PLCB4: variants seen among roughly 807,000 people sequenced by gnomAD.
PLCB4 encodes 1-phosphatidylinositol 4,5-bisphosphate phosphodiesterase beta-4.
A neutral mutation model predicts 178.8 loss-of-function variants in PLCB4; 77 were observed. The ratio of observed to expected loss-of-function variants is 0.43; its 90% CI spans 0.36 to 0.52. The LOEUF (loss-of-function observed/expected upper bound fraction) is 0.52. PLCB4 is among the 20% of genes least tolerant of loss of function. The pLI is 0.00. For missense variants in PLCB4, 1,024 were observed against 1,453.4 expected (o/e 0.70, Z 4.80); for synonymous variants, 496 against 490.8 (o/e 1.01, Z -0.14).
intron 2 of PLCB4, among the ~76,000 whole-genome samples, chr20:9,189,474 G>A (rs1432641061): frequency 1.4e-5 from 2 of 147,258 alleles, no homozygotes; most frequent in Non-Finnish European, 3.0e-5. Context: ...CATTGTGGAG[G>A]GCTGTCATAT....
intron 28 of PLCB4, among the ~76,000 whole-genome samples, chr20:9,424,591 G>T (rs1359862494): frequency 1.3e-5 from 2 of 152,168 alleles, no homozygotes; most frequent in African/African-American, 4.8e-5. Context: ...CAGGATGATG[G>T]CATCCGATTA....
At position 9,406,720 on chromosome 20, in the gene PLCB4, C is replaced by T. The variant is rs75578959; in HGVS notation, c.1648-1197C>T. On this transcript the variant is annotated intron_variant, in intron 21 of 39. Coordinates refer to ENST00000378473, the MANE Select transcript of PLCB4 (RefSeq NM_001377142.1). ...CAGTGTTCACCAGGATGGTCTCGAT[C>T]TCCTGACCTCATGATCCACCCGCCT... 1.2e-3 allele frequency among the ~76,000 whole-genome samples: 185 copies of T among 152,174 alleles called. 1 individual carries two copies. In the East Asian group the frequency reaches 0.017, roughly 14 times the overall value.
At position 9,190,264 on chromosome 20, in the gene PLCB4, T is replaced by C. The variant is rs2093384480; in HGVS notation, c.-78-27126T>C. The stretch of plus-strand genomic sequence containing the variant: ...GTCCCCACCCAACTCTCATCTCAAA[T>C]TGTAATCCCCACGTGTCAAGGGAGG... On this transcript the variant is annotated intron_variant, in intron 2 of 39. Coordinates refer to ENST00000378473, the MANE Select transcript of PLCB4 (RefSeq NM_001377142.1). 7.9e-5 allele frequency among the ~76,000 whole-genome samples: 12 copies of C among 152,178 alleles called. 1 individual carries two copies. The South Asian group carries it at 2.5e-3, about 32-fold the overall frequency.
rs2038013440 is a variant in PLCB4, at chr20:9,390,063, G to A, written c.1238+105G>A. On this transcript the variant is annotated intron_variant, in intron 16 of 39. Coordinates refer to ENST00000378473, the MANE Select transcript of PLCB4 (RefSeq NM_001377142.1). ...TTTAAATAGCTGAATAGTTTGTTTT[G>A]TGAAGTACTAAGTTCAAATAATTCT... 6.1e-6 allele frequency: 4 copies of A among 656,510 alleles called. No homozygotes were observed. The East Asian group carries it at 7.5e-5, about 12-fold the overall frequency. The allele number at this position is 656,510 out of a possible 1,614,324, so 40.7% of individuals were successfully genotyped here.
chr20:9,117,105 G>T (rs2146724848), intron 2 of PLCB4, among the ~76,000 whole-genome samples: 1 of 152,240 alleles, frequency 6.6e-6, no homozygotes. Flanking sequence ...CTTCTGTAGA[G>T]AATTCTATTA....
At chr20:9,152,884 G>A (rs2092715030) in intron 2 of PLCB4, among the ~76,000 whole-genome samples, 1 of 152,080 alleles carries the variant, frequency 6.6e-6, no homozygotes, top group African/African-American at 2.4e-5. Context: ...AGCCGTAGGG[G>A]TGGAGCTGCC....
At chr20:9,314,689 A>G (rs2094878547) in intron 4 of PLCB4, among the ~76,000 whole-genome samples, 1 of 152,054 alleles carries the variant, frequency 6.6e-6, no homozygotes, top group Non-Finnish European at 1.5e-5. Context: ...AAAGGGAAGA[A>G]CGTAATAAAT....
chr20:9,184,628 G>GT (rs1326010722), intron 2 of PLCB4, among the ~76,000 whole-genome samples: 3 of 146,792 alleles, frequency 2.0e-5, no homozygotes, highest in Admixed American at 6.8e-5. Flanking sequence ...AAAACCTCTG[G>GT]TTTTTATGAT....
intron 2 of PLCB4, among the ~76,000 whole-genome samples, chr20:9,106,560 C>A (rs552984591): frequency 6.6e-6 from 1 of 151,608 alleles, no homozygotes; most frequent in Non-Finnish European, 1.5e-5. Flanking sequence ...CACACACACA[C>A]AAAATGTTCA....
chr20:9,394,688 G>T (rs1419536966), intron 18 of PLCB4, among the ~76,000 whole-genome samples: 1 of 152,104 alleles, frequency 6.6e-6, no homozygotes, highest in Non-Finnish European at 1.5e-5. Flanking sequence ...TTGTATGTTT[G>T]TGCAACCCTC....
chr20:9,384,034 G>A lies in PLCB4; in HGVS notation c.854-167G>A, dbSNP rs144566093. Among the ~76,000 whole-genome samples, 548 of 152,266 alleles carry A rather than the reference G, an allele frequency of 3.6e-3. 6 individuals are homozygous for A. The highest frequency in any genetic ancestry group is 0.012 in the African/African-American group (515 of 41,544). On this transcript the variant is annotated intron_variant, in intron 13 of 39. Coordinates refer to ENST00000378473, the MANE Select transcript of PLCB4 (RefSeq NM_001377142.1). ...GAATTCATTATGTTACTTATAATGT[G>A]CAACTCTCTTATTTCATTCAAGTTC...
chr20:9,387,770 A>G (rs1178052397), intron 15 of PLCB4, among the ~76,000 whole-genome samples: 1 of 152,220 alleles, frequency 6.6e-6, no homozygotes, highest in Non-Finnish European at 1.5e-5. Flanking sequence ...TGACTGTGTT[A>G]CATAACAAGG....
At chr20:9,098,623 TATATATATACAC>T (rs1451101123) in intron 2 of PLCB4, among the ~76,000 whole-genome samples, 2 of 151,050 alleles carry the variant, frequency 1.3e-5, no homozygotes, top group African/African-American at 4.9e-5. Context: ...AATAGTCTCA[TATATATATACAC>T]ATATATATAC....
intron 3 of PLCB4, among the ~76,000 whole-genome samples, chr20:9,294,035 G>C (rs890637684): frequency 6.6e-6 from 1 of 152,116 alleles, no homozygotes; most frequent in African/African-American, 2.4e-5. Context: ...CTGAGGGCAC[G>C]TTTCTTCTAG....
chr20:9,377,227 A>G (rs1375285339), intron 12 of PLCB4, among the ~76,000 whole-genome samples: 1 of 152,068 alleles, frequency 6.6e-6, no homozygotes, highest in African/African-American at 2.4e-5. Flanking sequence ...TCTGTGACCT[A>G]TTTTTGGAAG....
intron 3 of PLCB4, among the ~76,000 whole-genome samples, chr20:9,230,936 A>G (rs2093925014): frequency 6.6e-6 from 1 of 152,196 alleles, no homozygotes; most frequent in African/African-American, 2.4e-5. Flanking sequence ...TTTAGGAGAC[A>G]AGGATTATTT....
At chr20:9,379,479 C>T (rs945484821) in intron 12 of PLCB4, among the ~76,000 whole-genome samples, 4 of 151,790 alleles carry the variant, frequency 2.6e-5, no homozygotes, top group South Asian at 2.1e-4. Context: ...ACAATTGGTT[C>T]GTTTTGAAAA....
At chr20:9,428,235 A>G (rs756939548) in intron 28 of PLCB4, among the ~76,000 whole-genome samples, 27 of 152,176 alleles carry the variant, frequency 1.8e-4, no homozygotes, top group Non-Finnish European at 3.5e-4. Context: ...AGGGTGCTAA[A>G]ATGTCATATT....
intron 2 of PLCB4, among the ~76,000 whole-genome samples, chr20:9,143,278 T>G (rs1179395738): frequency 1.3e-5 from 2 of 152,308 alleles, no homozygotes; most frequent in South Asian, 2.1e-4. Flanking sequence ...TCTGTCTGTA[T>G]CATGCATGGA....
Sources: allele counts gnomAD v4.1 joint callset (sites outside exome capture counted in the v4.1 genomes callset), GRCh38; gene constraint gnomAD v4.1.1; transcripts MANE v1.5; gene names NCBI Gene and HGNC (gene_info 2026-07-23, HGNC 2026-07-21).